ZNF436: variants seen among roughly 807,000 people sequenced by gnomAD.
ZNF436 encodes the protein DNA-binding protein.
In ZNF436, 22 loss-of-function variants were observed where a neutral mutation model predicts 41.9. The observed-to-expected ratio is 0.53, with a 90% CI of 0.38 to 0.75. The LOEUF is 0.75. Among genes scored for constraint, ZNF436 ranks in the 30% least tolerant of loss-of-function variants. ZNF436 has a pLI of 0.00. For synonymous variants in ZNF436, 217 were observed against 197.8 expected (o/e 1.10, Z -0.82); for missense variants, 506 against 587.3 (o/e 0.86, Z 1.43).
intron 1 of ZNF436, chr1:23,368,287 C>A (rs1046637433): frequency 4.5e-6 from 2 of 441,684 alleles, no homozygotes; most frequent in Non-Finnish European, 8.2e-6. Context: ...GGGTCCCTCC[C>A]GCGCCGGGGG....
rs745559692 is a variant in ZNF436 at position 23,362,034 on chromosome 1, C to T, written c.1348G>A (p.Glu450Lys). The T allele has an allele frequency of 8.7e-6, 14 of 1,613,962 alleles. No homozygotes were observed. Among genetic ancestry groups the T allele is most frequent in the South Asian group, 2.2e-5 (2 of 91,060 alleles). Residue 450 changes from glutamate to lysine, a missense_variant, in exon 4 of 4, where the codon GAA (glutamate) becomes AAA (lysine). Glu to Lys is a moderately conservative substitution (Grantham distance 56, BLOSUM62 1). This residue lies in a region of ZNF436 where 278 missense variants were observed against 372.1 expected (regional missense o/e 0.75). Transcript: ENST00000314011. Reference sequence around the variant, plus strand: ...CTCCTGCTGAAACTCTTCTCACATTCGGTACATTCATAAGGTTTCTCTCCC... The same window carrying T: ...CTCCTGCTGAAACTCTTCTCACATTTGGTACATTCATAAGGTTTCTCTCCC... ...HTGEKPYECT[E>K]CEKSFSRSSA...
Position 23,361,853 on chromosome 1 carries a change from T to C in ZNF436, c.*116A>G. Reference sequence around the variant, plus strand: ...GGCTTGTCATCTCTGATGGTTTAAATCGTGGCCCACAACTAGGAGAGTATG... The same window carrying C: ...GGCTTGTCATCTCTGATGGTTTAAACCGTGGCCCACAACTAGGAGAGTATG... On this transcript the variant is annotated 3_prime_UTR_variant, in exon 4 of 4. Coordinates refer to ENST00000314011, the MANE Select transcript of ZNF436 (RefSeq NM_001077195.2). 9.1e-7 allele frequency: 1 copy of C among 1,103,496 alleles called. No homozygotes were observed. The highest frequency in any genetic ancestry group is 1.3e-6 in the Non-Finnish European group (1 of 789,862). The allele number at this position is 1,103,496 out of a possible 1,614,324, so 68.4% of individuals were successfully genotyped here.
intron 3 of ZNF436, among the ~76,000 whole-genome samples, chr1:23,363,937 G>A (rs184929558): frequency 6.6e-6 from 1 of 152,224 alleles, no homozygotes; most frequent in East Asian, 1.9e-4. Flanking sequence ...AGCTACTCAG[G>A]AGGCTGAGGT....
rs1646995548 is a variant in ZNF436 at position 23,361,361 on chromosome 1, A to C, written c.*608T>G. On this transcript the variant is annotated 3_prime_UTR_variant, in exon 4 of 4. Coordinates refer to ENST00000314011, the MANE Select transcript of ZNF436 (RefSeq NM_001077195.2). The stretch of plus-strand genomic sequence containing the variant: ...TTCAGTTAGCCTTCACAAAGATGCA[A>C]GCTTTAAAGGAGCTAATTAGAAACA... 6.6e-6 allele frequency: 1 copy of C among 152,648 alleles called. No individual in the cohort carries two copies. The highest frequency in any genetic ancestry group is 6.5e-5 in the Admixed American group (1 of 15,274). 9.5% of individuals were successfully genotyped at this position (152,648 alleles called of 1,614,324 possible).
In ZNF436 at chr1:23,361,174, G is replaced by A. The variant is rs1646993886; in HGVS notation, c.*795C>T. 6.6e-6 allele frequency: 1 copy of A among 152,572 alleles called. No individual in the cohort carries two copies. Among genetic ancestry groups the A allele is most frequent in the Non-Finnish European group, 1.5e-5 (1 of 68,036 alleles). The allele number at this position is 152,572 out of a possible 1,614,324, so 9.5% of individuals were successfully genotyped here. A position where few individuals can be genotyped will look rare whatever the true frequency, so the allele number is the denominator to read the frequency against. ...GTCACTGATGGTCCTATCTTTTCTT[G>A]AAGATATTTTCTATACAATATTCCC... On this transcript the variant is annotated 3_prime_UTR_variant, in exon 4 of 4. Coordinates refer to ENST00000314011, the MANE Select transcript of ZNF436 (RefSeq NM_001077195.2).
chr1:23,362,552 G>C lies in ZNF436; in HGVS notation c.830C>G (p.Pro277Arg), dbSNP rs1287064778. Residue 277 changes from proline (P) to arginine (R), a missense_variant, in exon 4 of 4, where the codon CCT (proline) becomes CGT (arginine). Pro to Arg is a moderately radical substitution (Grantham distance 103). This residue lies in a region of ZNF436 where 278 missense variants were observed against 372.1 expected (regional missense o/e 0.75). Transcript: ENST00000314011. ...QHQRTHTGEK[P>R]YECNECGRGF... ...TCGGCCACATTCGTTACATTCATAA[G>C]GTTTCTCACCCGTGTGGGTCCTCTG... The C allele has an allele frequency of 1.2e-6, 2 of 1,614,032 alleles. No homozygotes were observed. Among genetic ancestry groups the C allele is most frequent in the Admixed American group, 1.7e-5 (1 of 60,000 alleles).
chr1:23,368,943 G>GGCCCCGCGCC lies in ZNF436; in HGVS notation c.-61+413_-61+422dup, dbSNP rs571589860. ...TCTGTACGCAATACAACTCCCGAGA[G>GGCCCCGCGCC]GCCCCGCGCCGCCCCGCGCCGGGGC... is the stretch of plus-strand genomic sequence containing the variant. On this transcript the variant is annotated intron_variant, in intron 1 of 3. Coordinates refer to ENST00000314011, the MANE Select transcript of ZNF436 (RefSeq NM_001077195.2). 933 of 157,602 alleles carry GGCCCCGCGCC rather than the reference G, an allele frequency of 5.9e-3. 9 individuals carry two copies. Among genetic ancestry groups the GGCCCCGCGCC allele is most frequent in the African/African-American group, 0.02 (823 of 41,566 alleles). 9.8% of individuals were successfully genotyped at this position (157,602 alleles called of 1,614,324 possible). A position where few individuals can be genotyped will look rare whatever the true frequency, so the allele number is the denominator to read the frequency against.
rs746738073 is a variant in ZNF436, at chr1:23,360,452, C to T, written c.*1517G>A. On this transcript the variant is annotated 3_prime_UTR_variant, in exon 4 of 4. Coordinates refer to ENST00000314011, the MANE Select transcript of ZNF436 (RefSeq NM_001077195.2). ...CCATTTTCTGGGCACCAATTCCCTT[C>T]CACCCCAACATGCTTGGATAGCATC... The T allele has an allele frequency of 6.6e-6, 1 of 152,224 alleles. No homozygotes were observed. Among genetic ancestry groups the T allele is most frequent in the Non-Finnish European group, 1.5e-5 (1 of 68,044 alleles). 9.4% of individuals were successfully genotyped at this position (152,224 alleles called of 1,614,324 possible).
Position 23,360,570 on chromosome 1 carries a change from C to T in ZNF436, c.*1399G>A, listed in dbSNP as rs913853851. ...ATTGGGCGAACTGTTATTTTAACCT[C>T]TTATATCTGTAGGGTGGGAGGATGG... On this transcript the variant is annotated 3_prime_UTR_variant, in exon 4 of 4. Coordinates refer to ENST00000314011, the MANE Select transcript of ZNF436 (RefSeq NM_001077195.2). The T allele has an allele frequency of 5.3e-5, 8 of 152,326 alleles. No homozygotes were observed. The highest frequency in any genetic ancestry group is 1.9e-4 in the African/African-American group (8 of 41,442). 9.4% of individuals were successfully genotyped at this position (152,326 alleles called of 1,614,324 possible).
At chr1:23,366,935 A>T (rs1196713506) in intron 3 of ZNF436, 107 bp downstream of exon 3, 19 of 1,292,034 alleles carry the variant, frequency 1.5e-5, no homozygotes, top group African/African-American at 4.5e-5. Flanking sequence ...CCAATATCCA[A>T]TTAAGTGCTT....
Position 23,367,478 on chromosome 1 carries a change from C to A in ZNF436, c.34-310G>T, listed in dbSNP as rs546078982. Among the ~76,000 whole-genome samples the A allele has an allele frequency of 7.2e-5, 11 of 152,292 alleles. No homozygotes were observed. The East Asian group carries it at 2.1e-3, about 29-fold the overall frequency. ...AATGTTCCTCTTTTCCTGGAATATT[C>A]TTCTCACACTAGAGAAATTCTACTA... On this transcript the variant is annotated intron_variant, in intron 2 of 3. Coordinates refer to ENST00000314011, the MANE Select transcript of ZNF436 (RefSeq NM_001077195.2).
rs1211479980 is a variant in ZNF436, at chr1:23,369,371, G to C, written c.-66C>G. On this transcript the variant is annotated 5_prime_UTR_variant, in exon 1 of 4. Transcript: ENST00000314011. ...TGGGGGACGAACAGACTTACCTCCT[G>C]TCCCGCAAAAGATCCACTAGATCGT... 1 of 534,546 alleles carries C rather than the reference G, an allele frequency of 1.9e-6. No individual in the cohort carries two copies. Among genetic ancestry groups the C allele is most frequent in the Non-Finnish European group, 3.8e-6 (1 of 259,946 alleles). The allele number at this position is 534,546 out of a possible 1,614,324, so 33.1% of individuals were successfully genotyped here. A position where few individuals can be genotyped will look rare whatever the true frequency, so the allele number is the denominator to read the frequency against.
rs777298564 is a variant in ZNF436, at chr1:23,362,395, C to T, written c.987G>A (p.Thr329=). The part of the protein sequence containing the change: ...SDLVRHRRAH[T]GEKPYHCNEC... Reference sequence around the variant, plus strand: ...CGTTACAGTGGTATGGCTTCTCTCCCGTGTGGGCTCTGCGATGACGCACAA... The same window carrying T: ...CGTTACAGTGGTATGGCTTCTCTCCTGTGTGGGCTCTGCGATGACGCACAA... Residue 329 remains threonine, a synonymous_variant, in exon 4 of 4, where the codon ACG becomes ACA. Coordinates refer to ENST00000314011, the MANE Select transcript of ZNF436 (RefSeq NM_001077195.2). The T allele has an allele frequency of 8.7e-6, 14 of 1,613,854 alleles. No individual in the cohort carries two copies. The highest frequency in any genetic ancestry group is 3.3e-5 in the South Asian group (3 of 91,076).
At position 23,362,797 on chromosome 1, in the gene ZNF436, G is replaced by A; in HGVS notation, c.585C>T (p.Asp195=). 6.2e-7 allele frequency: 1 copy of A among 1,614,096 alleles called. No homozygotes were observed. Among genetic ancestry groups the A allele is most frequent in the Non-Finnish European group, 8.5e-7 (1 of 1,180,004 alleles). The change falls in exon 4 of 4, where the codon GAC becomes GAT. Residue 195 remains aspartate (D), a synonymous_variant. Transcript: ENST00000314011. ...CAAAACTTTTCCCACACTCGTTACA[G>A]TCATAAGGCCTCTCCCCAGTATGTG... ...QRTHTGERPY[D]CNECGKSFGR... is the part of the protein sequence containing the mutation.
intron 1 of ZNF436, 78 bp from the exon 2 acceptor site, chr1:23,368,143 A>C: frequency 3.0e-6 from 3 of 1,008,848 alleles, no homozygotes; most frequent in Non-Finnish European, 4.4e-6. Flanking sequence ...TTCTGGCCCC[A>C]AGGCGGGCAG....
chr1:23,366,953 T>C (rs929598225), intron 3 of ZNF436, 89 bp downstream of exon 3: 5 of 1,434,532 alleles, frequency 3.5e-6, no homozygotes, highest in Non-Finnish European at 4.7e-6. Flanking sequence ...CTTTAAAAAA[T>C]CAAACCACTA....
At position 23,362,369 on chromosome 1, in the gene ZNF436, T is replaced by A. The variant is rs1638258047; in HGVS notation, c.1013A>T (p.Glu338Val). 2.5e-6 allele frequency: 4 copies of A among 1,613,942 alleles called. No individual in the cohort carries two copies. In the East Asian group the frequency reaches 8.9e-5, roughly 36 times the overall value. ...GATGCGGCTGAAATTTTCCCCACAT[T>A]CGTTACAGTGGTATGGCTTCTCTCC... ...HTGEKPYHCN[E>V]CGENFSRISH... The change falls in exon 4 of 4, where the codon GAA becomes GTA. Residue 338 changes from glutamate to valine, a missense_variant. This residue lies in a region of ZNF436 where 278 missense variants were observed against 372.1 expected (regional missense o/e 0.75). Transcript: ENST00000314011.
In ZNF436 at chr1:23,362,374, A is replaced by G. The variant is rs1310433975; in HGVS notation, c.1008T>C (p.Cys336=). 6.2e-7 allele frequency: 1 copy of G among 1,614,036 alleles called. No individual in the cohort carries two copies. The highest frequency in any genetic ancestry group is 1.7e-5 in the Admixed American group (1 of 60,006). Residue 336 remains cysteine, a synonymous_variant, in exon 4 of 4, where the codon TGT becomes TGC. Coordinates refer to ENST00000314011, the MANE Select transcript of ZNF436 (RefSeq NM_001077195.2). The part of the protein sequence containing the change: ...RAHTGEKPYH[C]NECGENFSRI... ...GGCTGAAATTTTCCCCACATTCGTT[A>G]CAGTGGTATGGCTTCTCTCCCGTGT...
chr1:23,359,644 CA>C lies in ZNF436; in HGVS notation c.*2324del, dbSNP rs1290882729. 7.2e-5 allele frequency: 11 copies of C among 152,652 alleles called. No homozygotes were observed. In the East Asian group the frequency reaches 1.7e-3, roughly 24 times the overall value. The allele number at this position is 152,652 out of a possible 1,614,324, so 9.5% of individuals were successfully genotyped here. On this transcript the variant is annotated 3_prime_UTR_variant, in exon 4 of 4. Coordinates refer to ENST00000314011, the MANE Select transcript of ZNF436 (RefSeq NM_001077195.2). The stretch of plus-strand genomic sequence containing the variant: ...CAGGGACTTGGGAGCAGAAGGCATG[CA>C]AAAAGCATTAGTGAAGGGAGTCTGA...
Sources: allele counts gnomAD v4.1 joint callset (sites outside exome capture counted in the v4.1 genomes callset), GRCh38; gene constraint gnomAD v4.1.1; regional missense constraint gnomAD v4.1.1; transcripts MANE v1.5; gene names NCBI Gene and HGNC (gene_info 2026-07-23, HGNC 2026-07-21).